The following SLC4A5 variants were observed in gnomAD, a reference collection of about 807,000 sequenced individuals.
The protein encoded by SLC4A5 is electrogenic sodium bicarbonate cotransporter 4.
SLC4A5 carries 96 observed loss-of-function variants against 120.4 expected under a neutral mutation model. That is an observed-to-expected ratio of 0.80 (90% CI 0.68 to 0.94). The LOEUF (loss-of-function observed/expected upper bound fraction) is 0.94. Ranked by LOEUF, SLC4A5 falls within the 40% of genes least tolerant of loss-of-function variation. SLC4A5 has a pLI of 0.00. For missense variants in SLC4A5, 1,259 were observed against 1,459.5 expected (o/e 0.86, Z 2.24); for synonymous variants, 550 against 571.1 (o/e 0.96, Z 0.53).
intron 7 of SLC4A5, among the ~76,000 whole-genome samples, chr2:74,302,949 G>A (rs1046833605): frequency 6.6e-6 from 1 of 152,120 alleles, no homozygotes; most frequent in Non-Finnish European, 1.5e-5. Context: ...ACCCACACGG[G>A]GGCAAGAGGT....
chr2:74,325,732 T>C (rs999784865), intron 5 of SLC4A5, among the ~76,000 whole-genome samples: 3 of 152,008 alleles, frequency 2.0e-5, no homozygotes, highest in African/African-American at 7.3e-5. Flanking sequence ...TATAGATGAG[T>C]AAATGAAGAC....
intron 6 of SLC4A5, among the ~76,000 whole-genome samples, chr2:74,309,636 T>C (rs1434067233): frequency 6.6e-6 from 1 of 152,102 alleles, no homozygotes; most frequent in African/African-American, 2.4e-5. Context: ...ATGTTGAATT[T>C]TCCTACGCAT....
chr2:74,254,595 TAC>T, intron 14 of SLC4A5, 22 bp downstream of exon 14: 1 of 1,593,550 alleles, frequency 6.3e-7, no homozygotes, highest in Non-Finnish European at 8.6e-7. Context: ...AATTCAGGAG[TAC>T]AAGCTTCTGG....
intron 21 of SLC4A5, among the ~76,000 whole-genome samples, chr2:74,237,016 G>A (rs545974291): frequency 9.1e-5 from 13 of 143,106 alleles, no homozygotes; most frequent in Admixed American, 2.2e-4. Flanking sequence ...TCTCTCTGTC[G>A]CCCAGGCTGG....
chr2:74,254,822 T>A, intron 13 of SLC4A5, 116 bp from the exon 14 acceptor site: 2 of 767,108 alleles, frequency 2.6e-6, no homozygotes, highest in Non-Finnish European at 2.1e-6. Flanking sequence ...TATGCATTTT[T>A]TTTTTTTTTT....
intron 8 of SLC4A5, among the ~76,000 whole-genome samples, chr2:74,274,821 G>A (rs887332838): frequency 6.6e-5 from 10 of 152,132 alleles, no homozygotes; most frequent in African/African-American, 2.4e-4. Flanking sequence ...TCTCCTCATG[G>A]GCAGATATAC....
chr2:74,250,690 T>A (rs1359594689), intron 16 of SLC4A5, 173 bp from the exon 17 acceptor site: 3 of 751,870 alleles, frequency 4.0e-6, no homozygotes, highest in Non-Finnish European at 6.3e-6. Flanking sequence ...CCTGTAGGAC[T>A]GAGTTTGTGG....
At chr2:74,326,913 G>A (rs1157826941) in intron 5 of SLC4A5, among the ~76,000 whole-genome samples, 1 of 152,180 alleles carries the variant, frequency 6.6e-6, no homozygotes, top group Non-Finnish European at 1.5e-5. Context: ...AAGCAGCAAG[G>A]TGGTGGTGAC....
exon 12 of SLC4A5, chr2:74,259,608 G>A (rs1558882756): frequency 1.2e-6 from 2 of 1,614,200 alleles, no homozygotes; most frequent in South Asian, 2.2e-5. Flanking sequence ...TTTGGGGTGA[G>A]AGAAATGTCA....
chr2:74,320,186 T>C (rs562966467), intron 5 of SLC4A5, among the ~76,000 whole-genome samples: 10 of 151,838 alleles, frequency 6.6e-5, no homozygotes, highest in Non-Finnish European at 1.3e-4. Context: ...ATCAAAATAA[T>C]AGGAGTTCCC....
At chr2:74,312,223 CTCTATA>C (rs1672826036) in intron 6 of SLC4A5, among the ~76,000 whole-genome samples, 3 of 151,288 alleles carry the variant, frequency 2.0e-5, no homozygotes, top group Admixed American at 2.0e-4. Context: ...CTATCTATAT[CTCTATA>C]TGTGTGTGTG....
intron 28 of SLC4A5, 43 bp from the exon 29 acceptor site, chr2:74,222,995 CAAT>C: frequency 2.3e-6 from 3 of 1,308,412 alleles, no homozygotes; most frequent in Non-Finnish European, 3.2e-6. Context: ...ACCAACACAA[CAAT>C]TTGGCTTTCT....
At chr2:74,218,408 A>G (rs1409971186) in exon 31 of SLC4A5, 1 of 152,224 alleles carries the variant, frequency 6.6e-6, no homozygotes. Flanking sequence ...ACTGCATTTT[A>G]AAATAAAATA....
chr2:74,319,221 G>A lies in SLC4A5; in HGVS notation c.-2-4196C>T, dbSNP rs1157030728. ...ACTGGAGACTCCAAAAGGTAGGAGG[G>A]TAGGAAGGGGGTGAGGGTTGAAAAG... On this transcript the variant is annotated intron_variant, in intron 5 of 30. Coordinates refer to ENST00000394019, the Ensembl canonical transcript of SLC4A5. Among the ~76,000 whole-genome samples, 6 of 152,126 alleles carry A rather than the reference G, an allele frequency of 3.9e-5. No individual in the cohort carries two copies. In the East Asian group the frequency reaches 9.6e-4, roughly 24 times the overall value.
At chr2:74,256,227 A>G (rs1035647180) in intron 12 of SLC4A5, among the ~76,000 whole-genome samples, 1 of 152,136 alleles carries the variant, frequency 6.6e-6, no homozygotes, top group Non-Finnish European at 1.5e-5. Flanking sequence ...GAGGGGTCAG[A>G]GAAGAGCCCC....
At position 74,227,762 on chromosome 2, in the gene SLC4A5, T is replaced by C. The variant is rs575720687; in HGVS notation, c.2916+48A>G. On this transcript the variant is annotated intron_variant, in intron 26 of 30. Coordinates refer to ENST00000394019, the Ensembl canonical transcript of SLC4A5. ...GGTCTTGGTGACATGGAACCAGACATGGAATGTTGACTCCAGATCATGAAG... is the reference window on the plus strand; with the variant it reads ...GGTCTTGGTGACATGGAACCAGACACGGAATGTTGACTCCAGATCATGAAG... The C allele has an allele frequency of 1.4e-5, 21 of 1,513,456 alleles. No individual in the cohort carries two copies. In the South Asian group the frequency reaches 1.6e-4, roughly 12 times the overall value. The allele number at this position is 1,513,456 out of a possible 1,614,324, so 93.8% of individuals were successfully genotyped here.
At chr2:74,286,367 T>C (rs1006128335) in intron 7 of SLC4A5, among the ~76,000 whole-genome samples, 5 of 152,178 alleles carry the variant, frequency 3.3e-5, no homozygotes, top group Admixed American at 6.5e-5. Context: ...GGGCCCACTT[T>C]CTTCCTGGGC....
At chr2:74,310,581 C>T (rs1672774771) in intron 6 of SLC4A5, among the ~76,000 whole-genome samples, 1 of 152,014 alleles carries the variant, frequency 6.6e-6, no homozygotes, top group Admixed American at 6.6e-5. Context: ...CTCCTTTGGC[C>T]TATTGATATG....
At chr2:74,307,751 G>C (rs1672690322) in intron 6 of SLC4A5, 1 of 673,644 alleles carries the variant, frequency 1.5e-6, no homozygotes, top group Non-Finnish European at 2.6e-6. Flanking sequence ...AGGTCGTTCA[G>C]GCTTTGCATG....
Sources: allele counts gnomAD v4.1 joint callset (sites outside exome capture counted in the v4.1 genomes callset), GRCh38; gene constraint gnomAD v4.1.1; transcripts MANE v1.5; gene names NCBI Gene and HGNC (gene_info 2026-07-23, HGNC 2026-07-21).